Variants in HMCN2 observed in about 807,000 individuals in gnomAD.
HMCN2 encodes the protein hemicentin 2.
In HMCN2, 325 loss-of-function variants were observed where a neutral mutation model predicts 377.5. That is an observed-to-expected ratio of 0.86 (90% confidence interval 0.79 to 0.94). The LOEUF (loss-of-function observed/expected upper bound fraction) is 0.94, where lower values mean the gene tolerates loss of function less well. Among genes scored for constraint, HMCN2 ranks in the 40% least tolerant of loss-of-function variants. The pLI, the probability that HMCN2 is intolerant of heterozygous loss-of-function variation, is 0.00. For synonymous variants in HMCN2, 2,007 were observed against 2,046.8 expected (o/e 0.98, Z 0.53); for missense variants, 4,543 against 4,725.3 (o/e 0.96, Z 1.13).
chr9:130,396,685 C>G (rs1296493604), intron 73 of HMCN2, among the ~76,000 whole-genome samples: 2 of 152,192 alleles, frequency 1.3e-5, no homozygotes, highest in African/African-American at 4.8e-5. Flanking sequence ...TTTACAGCTC[C>G]TCAGCTCACT....
At chr9:130,318,755 C>G in intron 15 of HMCN2, among the ~76,000 whole-genome samples, 1 of 152,336 alleles carries the variant, frequency 6.6e-6, no homozygotes, top group South Asian at 2.1e-4. Context: ...CCCCTATTCA[C>G]TCTTGAGTGG....
intron 51 of HMCN2, 125 bp from the exon 52 acceptor site, chr9:130,376,391 G>T (rs1841378019): frequency 6.2e-6 from 1 of 160,438 alleles, no homozygotes; most frequent in African/African-American, 2.4e-5. Flanking sequence ...GAGCAGGCTG[G>T]CTTCCAGGAT....
At chr9:130,425,628 T>G in intron 89 of HMCN2, 59 bp from the exon 90 acceptor site, 1 of 862,352 alleles carries the variant, frequency 1.2e-6, no homozygotes, top group Non-Finnish European at 1.8e-6. Flanking sequence ...CTTCCAACCC[T>G]GACCCCTTTC....
At chr9:130,359,557 C>T (rs1362136899) in intron 37 of HMCN2, 143 bp downstream of exon 37, 2 of 360,774 alleles carry the variant, frequency 5.5e-6, no homozygotes, top group African/African-American at 4.3e-5. Context: ...TCATGTTCCT[C>T]TCTTCCTCTT....
At chr9:130,425,577 A>G in intron 89 of HMCN2, 110 bp from the exon 90 acceptor site, 3 of 808,830 alleles carry the variant, frequency 3.7e-6, no homozygotes, top group Non-Finnish European at 6.1e-6. Flanking sequence ...TAAGGGTCTC[A>G]GGCTGCTTGG....
chr9:130,329,478 C>G (rs1838307541), intron 22 of HMCN2, among the ~76,000 whole-genome samples: 1 of 130,890 alleles, frequency 7.6e-6, no homozygotes, highest in African/African-American at 2.9e-5. Context: ...GAGTTTCACT[C>G]TGTTGCCAGG....
intron 34 of HMCN2, 170 bp downstream of exon 34, chr9:130,356,427 G>A (rs972370499): frequency 1.6e-5 from 6 of 377,326 alleles, no homozygotes; most frequent in South Asian, 1.1e-4. Flanking sequence ...GAGGCTGGCC[G>A]GGCCACTTAT....
chr9:130,343,688 G>A (rs1316772583), intron 25 of HMCN2, among the ~76,000 whole-genome samples: 4 of 152,260 alleles, frequency 2.6e-5, no homozygotes, highest in African/African-American at 9.6e-5. Flanking sequence ...GCCCTGGTCA[G>A]TCAGGGACCA....
At chr9:130,278,281 C>T (rs533783892) in intron 1 of HMCN2, among the ~76,000 whole-genome samples, 3 of 152,096 alleles carry the variant, frequency 2.0e-5, no homozygotes, top group East Asian at 1.9e-4. Flanking sequence ...CCCACCACCA[C>T]GCCCGGCTAA....
At position 130,295,041 on chromosome 9, in the gene HMCN2, G is replaced by A. The variant is rs573157507; in HGVS notation, c.784+15G>A. 87 of 447,328 alleles carry A rather than the reference G, an allele frequency of 1.9e-4. No homozygotes were observed. The Middle Eastern group carries it at 0.011, about 58-fold the overall frequency. The allele number at this position is 447,328 out of a possible 1,614,324, so 27.7% of individuals were successfully genotyped here. ...AGATCCGCTGGGTATGGACCACCCC[G>A]GGGCTGGCCTCCTCTTTGGCCCCAA... On this transcript the variant is annotated intron_variant, in intron 5 of 97. Coordinates refer to ENST00000683500, the MANE Select transcript of HMCN2 (RefSeq NM_001291815.2).
intron 15 of HMCN2, among the ~76,000 whole-genome samples, chr9:130,311,202 G>A (rs1282703631): frequency 2.6e-5 from 4 of 152,236 alleles, no homozygotes; most frequent in Admixed American, 6.5e-5. Context: ...CTAGGGAAGC[G>A]CAGAGAATCG....
Position 130,398,772 on chromosome 9 carries a change from CG to C in HMCN2, c.11483+70del, listed in dbSNP as rs112641652. ...AGGGCGGGGAGGCACTCTCTTCTCA[CG>C]GGGGCATGGGGCAGGGACGGGGCGG... On this transcript the variant is annotated intron_variant, in intron 75 of 97. Transcript: ENST00000683500. The C allele has an allele frequency of 3.5e-4, 338 of 977,662 alleles. 1 individual carries two copies. In the African/African-American group the frequency reaches 3.6e-3, roughly 10 times the overall value. 60.6% of individuals were successfully genotyped at this position (977,662 alleles called of 1,614,324 possible).
chr9:130,398,785 C>A, intron 75 of HMCN2, 78 bp downstream of exon 75: 1 of 1,154,848 alleles, frequency 8.7e-7, no homozygotes, highest in Non-Finnish European at 1.1e-6. Flanking sequence ...GGGCATGGGG[C>A]AGGGACGGGG....
At position 130,433,859 on chromosome 9, in the gene HMCN2, G is replaced by C. The variant is rs561428041; in HGVS notation, c.*166G>C. 1.2e-5 allele frequency: 7 copies of C among 600,982 alleles called. No individual in the cohort carries two copies. The East Asian group carries it at 2.1e-4, about 18-fold the overall frequency. 37.2% of individuals were successfully genotyped at this position (600,982 alleles called of 1,614,324 possible). A position where few individuals can be genotyped will look rare whatever the true frequency, so the allele number is the denominator to read the frequency against. On this transcript the variant is annotated 3_prime_UTR_variant, in exon 98 of 98. Coordinates refer to ENST00000683500, the MANE Select transcript of HMCN2 (RefSeq NM_001291815.2). ...GACCCTGCGCACAGCCTTGACCCCC[G>C]ACAGCGAGGACCTGACCTCACAGAG...
chr9:130,310,556 A>G (rs1837188977), intron 15 of HMCN2, among the ~76,000 whole-genome samples: 1 of 152,188 alleles, frequency 6.6e-6, no homozygotes, highest in African/African-American at 2.4e-5. Flanking sequence ...TTGGTCCCAC[A>G]GAGCAACCCT....
At position 130,351,515 on chromosome 9, in the gene HMCN2, ACCAGTGCGTGGCCTTCAGC is replaced by A; in HGVS notation, c.4528_4546del (p.Cys1510LeufsTer34). ...AGTCACGTGGGGGATGAGGGACGAT[ACCAGTGCGTGGCCTTCAGC>A]CCAGCTGGTCAGCAGGCCAGGGACT... is the stretch of plus-strand genomic sequence containing the variant. On this transcript the variant is annotated frameshift_variant, in exon 30 of 98. Transcript: ENST00000683500. LOFTEE classifies it high-confidence loss of function. The surrounding 1 kb of genome is among the most constrained non-coding windows in gnomAD (Gnocchi z 5.4). 7.7e-7 allele frequency: 1 copy of A among 1,304,230 alleles called. No homozygotes were observed. Among genetic ancestry groups the A allele is most frequent in the Non-Finnish European group, 1.0e-6 (1 of 988,940 alleles). The allele number at this position is 1,304,230 out of a possible 1,614,324, so 80.8% of individuals were successfully genotyped here.
At chr9:130,419,205 C>T in intron 86 of HMCN2, 164 bp downstream of exon 86, 2 of 607,106 alleles carry the variant, frequency 3.3e-6, no homozygotes, top group Non-Finnish European at 5.1e-6. Flanking sequence ...TGCCCGTTTA[C>T]AGTTGGGTAA....
rs1404367887 is a variant in HMCN2, at chr9:130,396,060, T to C, written c.11048T>C (p.Ile3683Thr). The C allele has an allele frequency of 1.0e-5, 13 of 1,282,338 alleles. No individual in the cohort carries two copies. Among genetic ancestry groups the C allele is most frequent in the Non-Finnish European group, 1.3e-5 (13 of 985,586 alleles). The allele number at this position is 1,282,338 out of a possible 1,614,324, so 79.4% of individuals were successfully genotyped here. Residue 3683 changes from isoleucine (I) to threonine (T), a missense_variant, in exon 72 of 98, where the codon ATC (isoleucine) becomes ACC (threonine). This residue lies in a region of HMCN2 where 1,073 missense variants were observed against 1,319.5 expected (regional missense o/e 0.81). Transcript: ENST00000683500. ...ACTAGTGTCGCCTTCCGCGTGGAGA[T>C]CCACAGTGAGTAGGGCCCGCCCCAC... ...GSTSVAFRVEIHTVPTIRSGP... is the reference protein window; with the variant it reads ...GSTSVAFRVETHTVPTIRSGP...
At position 130,407,642 on chromosome 9, in the gene HMCN2, T is replaced by C. The variant is rs1180303477; in HGVS notation, c.12625T>C (p.Tyr4209His). 2 of 1,285,508 alleles carry C rather than the reference T, an allele frequency of 1.6e-6. No homozygotes were observed. Among genetic ancestry groups the C allele is most frequent in the East Asian group, 1.1e-4 (2 of 17,804 alleles). The allele number at this position is 1,285,508 out of a possible 1,614,324, so 79.6% of individuals were successfully genotyped here. Residue 4209 changes from tyrosine (Y) to histidine (H), a missense_variant, in exon 83 of 98, where the codon TAT becomes CAT. By Grantham distance (83) the Tyr-to-His change is moderately conservative. Around this residue, in one of 5 missense-constraint regions of HMCN2, gnomAD observed 1,073 missense variants for 1,319.5 expected, o/e 0.81. Transcript: ENST00000683500. Reference protein sequence around the residue: ...AAVSREDSGTYVCWAENRVGR... With the variant: ...AAVSREDSGTHVCWAENRVGR... ...TGTCTCCAGAGAAGACAGCGGGACC[T>C]ATGTCTGCTGGGCGGAGAACAGAGT... is the stretch of plus-strand genomic sequence containing the variant.
Sources: allele counts gnomAD v4.1 joint callset (sites outside exome capture counted in the v4.1 genomes callset), GRCh38; gene constraint gnomAD v4.1.1; regional missense constraint gnomAD v4.1.1; non-coding constraint Gnocchi (gnomAD v3.1); transcripts MANE v1.5; gene names NCBI Gene and HGNC (gene_info 2026-07-23, HGNC 2026-07-21).